ZBTB16: variants seen among roughly 807,000 people sequenced by gnomAD.
The protein encoded by ZBTB16 is zinc finger and BTB domain containing 16.
ZBTB16 carries 8 observed loss-of-function variants against 56.8 expected under a neutral mutation model. That is an observed-to-expected ratio of 0.14 (90% CI 0.08 to 0.25). The LOEUF (loss-of-function observed/expected upper bound fraction) is 0.25. ZBTB16 is among the 10% of genes least tolerant of loss of function. The pLI is 1.00. For missense variants in ZBTB16, 625 were observed against 903.0 expected (o/e 0.69, Z 3.95); for synonymous variants, 363 against 368.5 (o/e 0.98, Z 0.17).
intron 3 of ZBTB16, among the ~76,000 whole-genome samples, chr11:114,177,018 G>C (rs1943132619): frequency 6.6e-6 from 1 of 152,146 alleles, no homozygotes; most frequent in African/African-American, 2.4e-5. Flanking sequence ...TGTGGGACTG[G>C]AAATACTATG....
chr11:114,189,643 G>A (rs1943445004), intron 4 of ZBTB16: 1 of 152,032 alleles, frequency 6.6e-6, no homozygotes, highest in African/African-American at 2.4e-5. Flanking sequence ...GCATGTGCTT[G>A]TAATCTCAGC....
rs1362066471 is a variant in ZBTB16, at chr11:114,235,734, C to CTTTT, written c.1454-6432_1454-6429dup. Among the ~76,000 whole-genome samples, 5 of 113,218 alleles carry CTTTT rather than the reference C, an allele frequency of 4.4e-5. No individual in the cohort carries two copies. In the South Asian group the frequency reaches 1.3e-3, roughly 30 times the overall value. The allele number at this position is 113,218 out of a possible 152,430, so 74.3% of individuals were successfully genotyped here. A position where few individuals can be genotyped will look rare whatever the true frequency, so the allele number is the denominator to read the frequency against. On this transcript the variant is annotated intron_variant, in intron 4 of 6. Coordinates refer to ENST00000335953, the MANE Select transcript of ZBTB16 (RefSeq NM_006006.6). ...TTTCTTTCTTTTTCTTTCTTTCTTT[C>CTTTT]TTTTCTTTTCTTTCCTTCCTTCCTT... is the stretch of plus-strand genomic sequence containing the variant.
chr11:114,127,272 T>C (rs238889), intron 2 of ZBTB16, among the ~76,000 whole-genome samples: 68,527 of 152,000 alleles, frequency 0.45, 16,024 homozygotes, highest in African/African-American at 0.56. Flanking sequence ...TTCTCTTCCA[T>C]TGCAGATCAA....
At chr11:114,105,326 C>T (rs758667787) in intron 2 of ZBTB16, among the ~76,000 whole-genome samples, 15 of 152,040 alleles carry the variant, frequency 9.9e-5, no homozygotes, top group Admixed American at 2.6e-4. Flanking sequence ...CTGCAACTTC[C>T]ACCTCCTGGG....
intron 2 of ZBTB16, among the ~76,000 whole-genome samples, chr11:114,092,628 C>A (rs1203465929): frequency 6.6e-6 from 1 of 152,136 alleles, no homozygotes; most frequent in Non-Finnish European, 1.5e-5. Flanking sequence ...TTTTTCAATT[C>A]TTCTTCTCCC....
chr11:114,242,239 T>C lies in ZBTB16; in HGVS notation c.1526T>C (p.Met509Thr). The C allele has an allele frequency of 6.2e-7, 1 of 1,614,018 alleles. No homozygotes were observed. Among genetic ancestry groups the C allele is most frequent in the South Asian group, 1.1e-5 (1 of 91,086 alleles). Residue 509 changes from methionine to threonine, a missense_variant, in exon 5 of 7, where the codon ATG becomes ACG. Met to Thr is a moderately conservative substitution (Grantham distance 81). Around this residue, in one of 6 missense-constraint regions of ZBTB16, gnomAD observed 140 missense variants for 214.8 expected, o/e 0.65. Transcript: ENST00000335953. ...FQAQSALQQHMEVHAGVRSYI... is the reference protein window; with the variant it reads ...FQAQSALQQHTEVHAGVRSYI... ...GCGCAGAGCGCACTGCAGCAGCACATGGAGGTCCACGCGGGCGTGCGCAGC... is the reference window on the plus strand; with the variant it reads ...GCGCAGAGCGCACTGCAGCAGCACACGGAGGTCCACGCGGGCGTGCGCAGC...
At chr11:114,183,366 G>A (rs1039641486) in intron 3 of ZBTB16, among the ~76,000 whole-genome samples, 1 of 152,162 alleles carries the variant, frequency 6.6e-6, no homozygotes, top group Admixed American at 6.5e-5. Flanking sequence ...GTGCTTATCT[G>A]TCTTCATCTT....
rs1319990964 is a variant in ZBTB16, at chr11:114,251,769, AG to A, written c.*1219del. On this transcript the variant is annotated 3_prime_UTR_variant, in exon 7 of 7. Coordinates refer to ENST00000335953, the MANE Select transcript of ZBTB16 (RefSeq NM_006006.6). Reference sequence around the variant, plus strand: ...GAGGAGGAGGAGGAGGAGCAGAAGGAGGGGGAGGAGCTGCAGGAGGAGGAGG... The same window carrying A: ...GAGGAGGAGGAGGAGGAGCAGAAGGAGGGGAGGAGCTGCAGGAGGAGGAGG... 6.6e-6 allele frequency among the ~76,000 whole-genome samples: 1 copy of A among 152,008 alleles called. No individual in the cohort carries two copies. Among genetic ancestry groups the A allele is most frequent in the South Asian group, 2.1e-4 (1 of 4,816 alleles).
At chr11:114,147,537 T>G (rs1380363213) in intron 2 of ZBTB16, among the ~76,000 whole-genome samples, 1 of 152,220 alleles carries the variant, frequency 6.6e-6, no homozygotes, top group Non-Finnish European at 1.5e-5. Context: ...TTTGGATTTA[T>G]TTTTGTTTCC....
At chr11:114,160,095 C>T (rs956248915) in intron 3 of ZBTB16, among the ~76,000 whole-genome samples, 2 of 152,180 alleles carry the variant, frequency 1.3e-5, no homozygotes, top group Admixed American at 1.3e-4. Flanking sequence ...ACGGCTCTCA[C>T]TTCCTGGCTA....
At chr11:114,080,284 G>A (rs188803625) in intron 2 of ZBTB16, among the ~76,000 whole-genome samples, 6 of 152,238 alleles carry the variant, frequency 3.9e-5, no homozygotes, top group Admixed American at 1.3e-4. Flanking sequence ...CTTGAATAGT[G>A]GAGAGAGGAA....
At chr11:114,156,261 A>G (rs1942406220) in intron 2 of ZBTB16, 76 bp from the exon 3 acceptor site, 1 of 1,481,858 alleles carries the variant, frequency 6.7e-7, no homozygotes, top group South Asian at 1.2e-5. Context: ...ATGGCTGCCA[A>G]GCCCCCAGGT....
intron 2 of ZBTB16, among the ~76,000 whole-genome samples, chr11:114,080,244 C>T (rs1414719686): frequency 6.6e-6 from 1 of 151,752 alleles, no homozygotes; most frequent in African/African-American, 2.4e-5. Context: ...TTTTTTTCCC[C>T]TTTCCTGACA....
At chr11:114,119,934 G>A (rs1941294802) in intron 2 of ZBTB16, among the ~76,000 whole-genome samples, 2 of 152,194 alleles carry the variant, frequency 1.3e-5, no homozygotes, top group South Asian at 4.1e-4. Flanking sequence ...AGTGAGGAAA[G>A]CTCTCACCGC....
intron 2 of ZBTB16, among the ~76,000 whole-genome samples, chr11:114,097,090 T>C (rs1272329082): frequency 1.3e-5 from 2 of 152,236 alleles, no homozygotes; most frequent in East Asian, 1.9e-4. Context: ...ATGTGGTATA[T>C]ACATATAGTG....
chr11:114,223,122 G>A (rs569878258), intron 4 of ZBTB16, among the ~76,000 whole-genome samples: 2 of 152,206 alleles, frequency 1.3e-5, no homozygotes, highest in Non-Finnish European at 2.9e-5. Context: ...TGGCCACAGA[G>A]TGATAGCCGT....
intron 4 of ZBTB16, among the ~76,000 whole-genome samples, chr11:114,217,316 T>G (rs573195): frequency 0.9 from 137,146 of 152,222 alleles, 61,958 homozygotes; most frequent in East Asian, 0.94. Context: ...CACTGGTGGT[T>G]CTGTGCAGGT....
At position 114,063,703 on chromosome 11, in the gene ZBTB16, G is replaced by A; in HGVS notation, c.403G>A (p.Ala135Thr). 6.2e-7 allele frequency: 1 copy of A among 1,614,074 alleles called. No individual in the cohort carries two copies. Reference protein sequence around the residue: ...IQASDDNDTEATMADGGAEEE... With the variant: ...IQASDDNDTETTMADGGAEEE... ...GGCCTCAGACGACAATGACACGGAG[G>A]CCACCATGGCCGATGGCGGGGCCGA... Residue 135 changes from alanine (A) to threonine (T), a missense_variant, in exon 2 of 7, where the codon GCC becomes ACC. Around this residue, in one of 6 missense-constraint regions of ZBTB16, gnomAD observed 384 missense variants for 393.5 expected, o/e 0.98. Coordinates refer to ENST00000335953, the MANE Select transcript of ZBTB16 (RefSeq NM_006006.6). This position sits in a 1 kb window ranked among gnomAD's most constrained non-coding sequence, Gnocchi z 6.5.
At chr11:114,072,725 G>T (rs1316900602) in intron 2 of ZBTB16, among the ~76,000 whole-genome samples, 1 of 152,178 alleles carries the variant, frequency 6.6e-6, no homozygotes, top group Non-Finnish European at 1.5e-5. Flanking sequence ...TGGGCGGAGA[G>T]AAGCCCAAGA....
Sources: gnomAD v4.1 joint callset for allele counts (sites outside exome capture counted in the v4.1 genomes callset) on GRCh38, gnomAD v4.1.1 for gene constraint, gnomAD v4.1.1 regional missense constraint, Gnocchi (gnomAD v3.1) non-coding constraint, MANE v1.5 for transcripts, NCBI Gene and HGNC (gene_info 2026-07-23, HGNC 2026-07-21) for gene names.